DOK5: variants seen among roughly 807,000 people sequenced by gnomAD.
DOK5 encodes the protein downstream of tyrosine kinase 5.
In DOK5, 27 loss-of-function variants were observed where a neutral mutation model predicts 43.3. The observed-to-expected ratio is 0.62, with a 90% confidence interval of 0.46 to 0.86. DOK5 has a LOEUF of 0.86. DOK5 is among the 40% of genes least tolerant of loss of function. The pLI, the probability that DOK5 is intolerant of heterozygous loss-of-function variation, is 0.00. For synonymous variants in DOK5, 146 were observed against 140.1 expected (o/e 1.04, Z -0.30); for missense variants, 373 against 392.9 (o/e 0.95, Z 0.43).
At chr20:54,639,903 GAAAAGATTAATC>G in intron 6 of DOK5, among the ~76,000 whole-genome samples, 1 of 152,328 alleles carries the variant, frequency 6.6e-6, no homozygotes, top group Non-Finnish European at 1.5e-5. Context: ...GTACATTTGA[GAAAAGATTAATC>G]AAAACAAGAC....
At chr20:54,496,882 G>T (rs1428663260) in intron 1 of DOK5, among the ~76,000 whole-genome samples, 1 of 152,046 alleles carries the variant, frequency 6.6e-6, no homozygotes, top group African/African-American at 2.4e-5. Context: ...GAAACTGAGG[G>T]CAAGTGAGAT....
intron 1 of DOK5, among the ~76,000 whole-genome samples, chr20:54,518,241 A>G (rs977626297): frequency 6.6e-6 from 1 of 152,098 alleles, no homozygotes; most frequent in African/African-American, 2.4e-5. Context: ...GTCATTTAAC[A>G]TTAGGTATAT....
chr20:54,644,444 C>G (rs569508973), intron 7 of DOK5, among the ~76,000 whole-genome samples: 1 of 152,204 alleles, frequency 6.6e-6, no homozygotes, highest in Non-Finnish European at 1.5e-5. Context: ...GTGGCTCACG[C>G]CTGTAATCCC....
At chr20:54,579,636 A>G (rs1033291469) in intron 2 of DOK5, among the ~76,000 whole-genome samples, 7 of 152,310 alleles carry the variant, frequency 4.6e-5, no homozygotes, top group East Asian at 1.9e-4. Flanking sequence ...ATAACCTCAT[A>G]TAAGTGGTAA....
At chr20:54,643,396 T>A in intron 6 of DOK5, 62 bp from the exon 7 acceptor site, 1 of 1,593,888 alleles carries the variant, frequency 6.3e-7, no homozygotes, top group Non-Finnish European at 8.5e-7. Context: ...TCCTGTTTCC[T>A]CAGTCAGGCC....
intron 2 of DOK5, among the ~76,000 whole-genome samples, chr20:54,560,574 G>A (rs1984866156): frequency 6.6e-6 from 1 of 152,144 alleles, no homozygotes; most frequent in African/African-American, 2.4e-5. Flanking sequence ...AAAGACTCCT[G>A]AAACACGTTC....
At chr20:54,550,235 G>T (rs935970832) in intron 1 of DOK5, among the ~76,000 whole-genome samples, 6 of 150,638 alleles carry the variant, frequency 4.0e-5, no homozygotes. Context: ...TGTTAGATTA[G>T]GCTGTAATTT....
At position 54,481,172 on chromosome 20, in the gene DOK5, A is replaced by ATCTATCTC. The variant is rs1555822413; in HGVS notation, c.66+5167_66+5168insCTCTATCT. Among the ~76,000 whole-genome samples the ATCTATCTC allele has an allele frequency of 6.8e-3, 1,009 of 148,940 alleles. 20 individuals are homozygous for ATCTATCTC. The highest frequency in any genetic ancestry group is 0.024 in the African/African-American group (967 of 39,896). ...TATCTATCTATCTATCTATCTATCT[A>ATCTATCTC]TCTATCTATATTTTTTTGGCGGAGT... On this transcript the variant is annotated intron_variant, in intron 1 of 7. Coordinates refer to ENST00000262593, the MANE Select transcript of DOK5 (RefSeq NM_018431.5).
intron 7 of DOK5, among the ~76,000 whole-genome samples, chr20:54,647,969 T>C (rs1358467417): frequency 6.6e-6 from 1 of 152,208 alleles, no homozygotes; most frequent in Non-Finnish European, 1.5e-5. Context: ...CAATGGGGTC[T>C]TTCTAAAAGC....
At chr20:54,601,513 T>C (rs1986296877) in intron 5 of DOK5, among the ~76,000 whole-genome samples, 1 of 152,282 alleles carries the variant, frequency 6.6e-6, no homozygotes, top group South Asian at 2.1e-4. Flanking sequence ...CTTTGTTCTA[T>C]GACTACAGAT....
chr20:54,484,596 C>G (rs1981853319), intron 1 of DOK5, among the ~76,000 whole-genome samples: 1 of 152,148 alleles, frequency 6.6e-6, no homozygotes, highest in Non-Finnish European at 1.5e-5. Context: ...AACATTTCAT[C>G]CCCTGGAGGA....
At chr20:54,561,925 G>A (rs1230201151) in intron 2 of DOK5, among the ~76,000 whole-genome samples, 2 of 152,190 alleles carry the variant, frequency 1.3e-5, no homozygotes, top group African/African-American at 4.8e-5. Flanking sequence ...CCAAAGTGCT[G>A]GGATTACAGG....
intron 6 of DOK5, among the ~76,000 whole-genome samples, chr20:54,640,589 G>C (rs1304523402): frequency 1.3e-5 from 2 of 152,208 alleles, no homozygotes; most frequent in Non-Finnish European, 2.9e-5. Context: ...GGTTGAGAAA[G>C]AACTAGAGAG....
At chr20:54,485,292 G>A (rs549060716) in intron 1 of DOK5, among the ~76,000 whole-genome samples, 1 of 150,916 alleles carries the variant, frequency 6.6e-6, no homozygotes, top group East Asian at 1.9e-4. Context: ...GGCGGAGGTT[G>A]CAGTGAGCTG....
chr20:54,621,829 G>T (rs1249064757), intron 6 of DOK5, among the ~76,000 whole-genome samples: 3 of 152,120 alleles, frequency 2.0e-5, no homozygotes, highest in Admixed American at 2.0e-4. Context: ...TTAAACCCAG[G>T]TGGCCACTGG....
intron 5 of DOK5, among the ~76,000 whole-genome samples, chr20:54,609,635 CATTT>C (rs1037531983): frequency 6.6e-6 from 1 of 151,588 alleles, no homozygotes; most frequent in African/African-American, 2.4e-5. Context: ...AAGTAAAAAG[CATTT>C]ATTTGTTTCT....
chr20:54,615,862 C>CT (rs1986791338), intron 6 of DOK5, among the ~76,000 whole-genome samples: 1 of 151,224 alleles, frequency 6.6e-6, no homozygotes, highest in Admixed American at 6.6e-5. Flanking sequence ...GATTGCGCCA[C>CT]TGCACTCCAG....
chr20:54,646,248 GTTT>G (rs386394048), intron 7 of DOK5, among the ~76,000 whole-genome samples: 3,888 of 79,806 alleles, frequency 0.049, 48 homozygotes, highest in African/African-American at 0.12. Flanking sequence ...TGGTTATACT[GTTT>G]TTTTTTTTTT....
chr20:54,489,386 AT>A (rs1336755391), intron 1 of DOK5, among the ~76,000 whole-genome samples: 1 of 151,966 alleles, frequency 6.6e-6, no homozygotes, highest in Non-Finnish European at 1.5e-5. Flanking sequence ...TAGTCTATAT[AT>A]AAGTAGTTTT....
Sources: gnomAD v4.1 joint callset for allele counts (sites outside exome capture counted in the v4.1 genomes callset) on GRCh38, gnomAD v4.1.1 for gene constraint, MANE v1.5 for transcripts, NCBI Gene and HGNC (gene_info 2026-07-23, HGNC 2026-07-21) for gene names.